The following MINPP1 variants were observed in gnomAD, a reference collection of about 807,000 sequenced individuals.
MINPP1 encodes multiple inositol-polyphosphate phosphatase 1, also known as multiple inositol polyphosphate phosphatase 1.
MINPP1 carries 28 observed loss-of-function variants against 46.1 expected under a neutral mutation model. The observed-to-expected ratio is 0.61, with a 90% CI of 0.45 to 0.83. The LOEUF is 0.83. Among genes scored for constraint, MINPP1 ranks in the 40% least tolerant of loss-of-function variants. The pLI is 0.00. For missense variants in MINPP1, 603 were observed against 610.0 expected (o/e 0.99, Z 0.12); for synonymous variants, 268 against 249.1 (o/e 1.08, Z -0.72).
In MINPP1 at chr10:87,505,407, C is replaced by A. The variant is rs1213367877; in HGVS notation, c.492C>A (p.Leu164=). Residue 164 remains leucine, a synonymous_variant, in exon 1 of 5, where the codon CTC becomes CTA. Coordinates refer to ENST00000371996, the MANE Select transcript of MINPP1 (RefSeq NM_004897.5). The surrounding 1 kb of genome is among the most constrained non-coding windows in gnomAD (Gnocchi z 4.4). ...AGCTGGCGCTGCGTCTGGCCTCGCT[C>A]TTCCCGGCCCTTTTCAGCCGTGAGA... ...MRQLALRLAS[L]FPALFSRENY... 3.1e-6 allele frequency: 5 copies of A among 1,613,772 alleles called. No individual in the cohort carries two copies. Among genetic ancestry groups the A allele is most frequent in the Non-Finnish European group, 3.4e-6 (4 of 1,179,942 alleles).
chr10:87,525,782 A>G (rs1361516733), intron 4 of MINPP1, among the ~76,000 whole-genome samples: 1 of 151,976 alleles, frequency 6.6e-6, no homozygotes, highest in Non-Finnish European at 1.5e-5. Flanking sequence ...TTCAGTTCCC[A>G]CCTATGAGTG....
chr10:87,544,410 A>T (rs1425328689), intron 4 of MINPP1, among the ~76,000 whole-genome samples: 1 of 152,178 alleles, frequency 6.6e-6, no homozygotes, highest in Non-Finnish European at 1.5e-5. Context: ...AGGCCTCATT[A>T]CTTAGACATG....
intron 4 of MINPP1, among the ~76,000 whole-genome samples, chr10:87,523,438 C>T (rs1249060152): frequency 1.3e-5 from 2 of 151,566 alleles, no homozygotes; most frequent in Non-Finnish European, 2.9e-5. Context: ...GCAAGCTCCG[C>T]CTCCTGGGTT....
intron 4 of MINPP1, among the ~76,000 whole-genome samples, chr10:87,521,437 G>T (rs1564675577): frequency 6.6e-6 from 1 of 151,888 alleles, no homozygotes; most frequent in Non-Finnish European, 1.5e-5. Flanking sequence ...GCCTCCTCTT[G>T]CCCTTCCCTT....
intron 2 of MINPP1, chr10:87,509,736 G>A: frequency 2.8e-6 from 1 of 355,638 alleles, no homozygotes; most frequent in South Asian, 2.2e-5. Flanking sequence ...TTTAAGAGTG[G>A]TATCAAAGTT....
At chr10:87,508,937 G>A (rs1463464633) in intron 2 of MINPP1, among the ~76,000 whole-genome samples, 2 of 152,178 alleles carry the variant, frequency 1.3e-5, no homozygotes, top group Non-Finnish European at 2.9e-5. Context: ...TGTAAGAGGG[G>A]TAAGTTTTAG....
chr10:87,512,863 C>T (rs1487980577), intron 2 of MINPP1, among the ~76,000 whole-genome samples: 1 of 151,976 alleles, frequency 6.6e-6, no homozygotes, highest in Admixed American at 6.6e-5. Context: ...TTACCAATTA[C>T]AGAAAATTTC....
intron 4 of MINPP1, among the ~76,000 whole-genome samples, chr10:87,537,904 C>T (rs1013705108): frequency 1.3e-5 from 2 of 151,850 alleles, no homozygotes; most frequent in African/African-American, 2.4e-5. Context: ...CAAGTAGCTG[C>T]GACTACATGC....
chr10:87,515,870 C>A (rs1157076595), intron 3 of MINPP1, among the ~76,000 whole-genome samples: 22 of 148,378 alleles, frequency 1.5e-4, no homozygotes, highest in Admixed American at 1.4e-3. Flanking sequence ...CCTCTGTCGC[C>A]CAGGCTGGAG....
chr10:87,513,290 G>C lies in MINPP1; in HGVS notation c.933+69G>C, dbSNP rs981891979. 5.3e-6 allele frequency: 6 copies of C among 1,128,636 alleles called. No individual in the cohort carries two copies. In the South Asian group the frequency reaches 7.7e-5, roughly 14 times the overall value. The allele number at this position is 1,128,636 out of a possible 1,614,324, so 69.9% of individuals were successfully genotyped here. A position where few individuals can be genotyped will look rare whatever the true frequency, so the allele number is the denominator to read the frequency against. ...TTTTTTGGCTTGCTTGTTTGCATTT[G>C]GTTACTTGAAGCAGCTTTTCAGAAA... On this transcript the variant is annotated intron_variant, in intron 3 of 4. Transcript: ENST00000371996.
At position 87,505,611 on chromosome 10, in the gene MINPP1, C is replaced by A; in HGVS notation, c.637+59C>A. On this transcript the variant is annotated intron_variant, in intron 1 of 4. Coordinates refer to ENST00000371996, the MANE Select transcript of MINPP1 (RefSeq NM_004897.5). The surrounding 1 kb of genome is among the most constrained non-coding windows in gnomAD (Gnocchi z 4.4). ...TCCTCCCACCCGCCCTGGATGCTCT[C>A]CCGCCTCCCCCAGACCCTGGGCTTT... is the stretch of plus-strand genomic sequence containing the variant. The A allele has an allele frequency of 1.3e-6, 2 of 1,497,990 alleles. No homozygotes were observed. Among genetic ancestry groups the A allele is most frequent in the Non-Finnish European group, 1.8e-6 (2 of 1,112,640 alleles). The allele number at this position is 1,497,990 out of a possible 1,614,324, so 92.8% of individuals were successfully genotyped here. A position where few individuals can be genotyped will look rare whatever the true frequency, so the allele number is the denominator to read the frequency against.
chr10:87,514,531 C>T (rs962647176), intron 3 of MINPP1, among the ~76,000 whole-genome samples: 2 of 152,172 alleles, frequency 1.3e-5, no homozygotes, highest in East Asian at 1.9e-4. Flanking sequence ...TTTTGTCCTT[C>T]GTACATTGGC....
At chr10:87,508,664 G>A (rs1851291070) in intron 2 of MINPP1, 131 bp downstream of exon 2, 5 of 906,566 alleles carry the variant, frequency 5.5e-6, no homozygotes, top group Non-Finnish European at 6.8e-6. Context: ...AATATGTTCT[G>A]GGTCAAAAAA....
At chr10:87,533,628 C>T (rs948940190) in intron 4 of MINPP1, among the ~76,000 whole-genome samples, 7 of 152,108 alleles carry the variant, frequency 4.6e-5, no homozygotes, top group African/African-American at 1.4e-4. Flanking sequence ...TTACTTGCCT[C>T]GAGATCTTCC....
chr10:87,551,650 T>C (rs949062195), intron 4 of MINPP1, among the ~76,000 whole-genome samples: 1 of 152,150 alleles, frequency 6.6e-6, no homozygotes, highest in African/African-American at 2.4e-5. Flanking sequence ...CTTGTTCTTA[T>C]TCCCTAGATA....
intron 2 of MINPP1, among the ~76,000 whole-genome samples, chr10:87,511,797 C>T (rs936169929): frequency 2.6e-5 from 4 of 151,992 alleles, no homozygotes; most frequent in African/African-American, 4.8e-5. Context: ...ATTAGAGCTT[C>T]GAGTGTAAAT....
chr10:87,511,072 C>T (rs1191080127), intron 2 of MINPP1, among the ~76,000 whole-genome samples: 1 of 152,110 alleles, frequency 6.6e-6, no homozygotes, highest in Non-Finnish European at 1.5e-5. Context: ...TAGCCATTTG[C>T]ATTTCTTCTA....
chr10:87,507,096 A>G lies in MINPP1; in HGVS notation c.638-1240A>G, dbSNP rs146937127. 3.3e-4 allele frequency among the ~76,000 whole-genome samples: 51 copies of G among 152,324 alleles called. No homozygotes were observed. The East Asian group carries it at 9.4e-3, about 28-fold the overall frequency. ...CGAAGACTGGCATTTGACTCTCAGT[A>G]CAGAGCCAGGGATGAAAATACTACA... On this transcript the variant is annotated intron_variant, in intron 1 of 4. Transcript: ENST00000371996.
intron 4 of MINPP1, among the ~76,000 whole-genome samples, chr10:87,547,591 A>G (rs1048352066): frequency 3.9e-5 from 6 of 152,130 alleles, no homozygotes; most frequent in African/African-American, 1.4e-4. Context: ...TTGCTTTTGC[A>G]TTTGGATCTT....
Sources: allele counts gnomAD v4.1 joint callset (sites outside exome capture counted in the v4.1 genomes callset), GRCh38; gene constraint gnomAD v4.1.1; non-coding constraint Gnocchi (gnomAD v3.1); transcripts MANE v1.5; gene names NCBI Gene and HGNC (gene_info 2026-07-23, HGNC 2026-07-21).